LARP1: variants seen among roughly 807,000 people sequenced by gnomAD.
LARP1 encodes la-related protein 1.
Under a neutral mutation model 122.7 loss-of-function variants are expected in LARP1, and 36 were observed. The observed-to-expected ratio is 0.29, with a 90% CI of 0.22 to 0.39. The LOEUF (loss-of-function observed/expected upper bound fraction) is 0.39. Among genes scored for constraint, LARP1 ranks in the 10% least tolerant of loss-of-function variants. The pLI is 1.00. For synonymous variants in LARP1, 539 were observed against 528.7 expected (o/e 1.02, Z -0.27); for missense variants, 1,040 against 1,403.6 (o/e 0.74, Z 4.14).
chr5:154,813,619 T>C (rs1759459420), intron 18 of LARP1, among the ~76,000 whole-genome samples: 1 of 152,168 alleles, frequency 6.6e-6, no homozygotes, highest in Non-Finnish European at 1.5e-5. Context: ...GGGAAGTTAC[T>C]TTTTTGTGCT....
intron 1 of LARP1, among the ~76,000 whole-genome samples, chr5:154,766,599 T>G (rs1444246998): frequency 6.6e-6 from 1 of 152,148 alleles, no homozygotes; most frequent in Non-Finnish European, 1.5e-5. Context: ...TGCAGCTGGC[T>G]GGGTGGGAAC....
chr5:154,769,638 T>C (rs1350944901), intron 1 of LARP1, among the ~76,000 whole-genome samples: 3 of 152,194 alleles, frequency 2.0e-5, no homozygotes, highest in African/African-American at 7.2e-5. Context: ...CAGGTGAAAC[T>C]GAGTTATGTT....
Position 154,814,262 on chromosome 5 carries a change from G to A in LARP1, c.*166G>A. 3.1e-6 allele frequency: 2 copies of A among 647,796 alleles called. No individual in the cohort carries two copies. The highest frequency in any genetic ancestry group is 2.7e-6 in the Non-Finnish European group (1 of 376,086). The allele number at this position is 647,796 out of a possible 1,614,324, so 40.1% of individuals were successfully genotyped here. ...GTATACACCATTTGGGCTATCAGAG[G>A]TACCCCTGGGCAGGAGCCTCTACAT... On this transcript the variant is annotated 3_prime_UTR_variant, in exon 19 of 19. Transcript: ENST00000518297.
chr5:154,692,587 A>G (rs1030046807), intron 1 of LARP1, among the ~76,000 whole-genome samples: 2 of 152,066 alleles, frequency 1.3e-5, no homozygotes, highest in African/African-American at 4.8e-5. Context: ...ACACCCTTTA[A>G]AGCCCAAATC....
intron 1 of LARP1, among the ~76,000 whole-genome samples, 181 bp from the exon 2 acceptor site, chr5:154,790,144 G>A (rs1186583677): frequency 1.3e-5 from 2 of 152,156 alleles, no homozygotes; most frequent in Non-Finnish European, 2.9e-5. Context: ...TTCTTCAGGA[G>A]TGGGCTGGTA....
At position 154,792,637 on chromosome 5, in the gene LARP1, C is replaced by T; in HGVS notation, c.580C>T (p.Pro194Ser). The T allele has an allele frequency of 1.2e-6, 2 of 1,614,084 alleles. No individual in the cohort carries two copies. The highest frequency in any genetic ancestry group is 2.2e-5 in the East Asian group (1 of 44,888). ...HKSVQPQSHK[P>S]QPTRKLPPKK... The stretch of plus-strand genomic sequence containing the variant: ...CCTGCTATAGCCACAGTCCCACAAG[C>T]CTCAGCCTACCCGTAAACTGCCACC... Residue 194 changes from proline (P) to serine (S), a missense_variant, in exon 4 of 19, where the codon CCT becomes TCT. Pro to Ser is a moderately conservative substitution (Grantham distance 74, BLOSUM62 -1). Around this residue, in one of 8 missense-constraint regions of LARP1, gnomAD observed 257 missense variants for 273.3 expected, o/e 0.94. Coordinates refer to ENST00000518297, the MANE Select transcript of LARP1 (RefSeq NM_033551.3).
chr5:154,760,955 G>T (rs1398099634), intron 1 of LARP1, among the ~76,000 whole-genome samples: 1 of 152,152 alleles, frequency 6.6e-6, no homozygotes, highest in Non-Finnish European at 1.5e-5. Flanking sequence ...GGTGATAATG[G>T]TATTATGATT....
chr5:154,689,636 A>G (rs1754097872), intron 1 of LARP1, among the ~76,000 whole-genome samples: 2 of 149,990 alleles, frequency 1.3e-5, no homozygotes, highest in Non-Finnish European at 3.0e-5. Context: ...AAAAAAAAAA[A>G]GAAAGAAAAG....
At chr5:154,756,458 G>C (rs1254335292) in intron 1 of LARP1, 1 of 986,160 alleles carries the variant, frequency 1.0e-6, no homozygotes, top group Non-Finnish European at 1.2e-6. Context: ...GGTGTGGTTC[G>C]GGCCTACCTC....
intron 16 of LARP1, 52 bp from the exon 17 acceptor site, chr5:154,811,195 C>T: frequency 7.4e-7 from 1 of 1,352,874 alleles, no homozygotes. Flanking sequence ...GGCACATTTC[C>T]CGTTTTACAG....
intron 1 of LARP1, among the ~76,000 whole-genome samples, chr5:154,759,576 G>C (rs755429149): frequency 6.6e-6 from 1 of 152,144 alleles, no homozygotes; most frequent in Admixed American, 6.5e-5. Context: ...GGAGTTGCAC[G>C]TGTGCTCTCA....
Position 154,790,339 on chromosome 5 carries a change from G to T in LARP1, c.451G>T (p.Ala151Ser). ...GQSPPEHSAPAKVVRAAVPKQ... is the reference protein window; with the variant it reads ...GQSPPEHSAPSKVVRAAVPKQ... ...TGTTCCCACAGAACACTCTGCTCCA[G>T]CCAAGGTGGTGAGGGCAGCTGTTCC... Residue 151 changes from alanine (A) to serine (S), a missense_variant, in exon 2 of 19, where the codon GCC becomes TCC. Around this residue, in one of 8 missense-constraint regions of LARP1, gnomAD observed 257 missense variants for 273.3 expected, o/e 0.94. Coordinates refer to ENST00000518297, the MANE Select transcript of LARP1 (RefSeq NM_033551.3). The T allele has an allele frequency of 6.2e-7, 1 of 1,613,642 alleles. No individual in the cohort carries two copies. The highest frequency in any genetic ancestry group is 8.5e-7 in the Non-Finnish European group (1 of 1,179,806).
At position 154,814,032 on chromosome 5, in the gene LARP1, A is replaced by G; in HGVS notation, c.3227A>G (p.Gln1076Arg). The G allele has an allele frequency of 6.2e-7, 1 of 1,614,144 alleles. No homozygotes were observed. Among genetic ancestry groups the G allele is most frequent in the South Asian group, 1.1e-5 (1 of 91,082 alleles). ...CAACCCCCTACACCACCCACCGGCC[A>G]GCCTGTCCGGGAAGATGCCAAATGG... ...ISQPPTPPTGQPVREDAKWTS... is the reference protein window; with the variant it reads ...ISQPPTPPTGRPVREDAKWTS... Residue 1076 changes from glutamine (Q) to arginine (R), a missense_variant, in exon 19 of 19, where the codon CAG (glutamine) becomes CGG (arginine). By Grantham distance (43) the Gln-to-Arg change is conservative (BLOSUM62 1). This residue lies in a region of LARP1 where 129 missense variants were observed against 160.8 expected (regional missense o/e 0.80). Transcript: ENST00000518297.
At chr5:154,791,423 G>A (rs902494358) in intron 3 of LARP1, among the ~76,000 whole-genome samples, 2 of 152,040 alleles carry the variant, frequency 1.3e-5, no homozygotes, top group Admixed American at 1.3e-4. Context: ...TGTTGGCCAG[G>A]CTGGGCTTGA....
intron 1 of LARP1, among the ~76,000 whole-genome samples, chr5:154,721,959 GTCAC>G (rs1755899327): frequency 6.6e-6 from 1 of 152,130 alleles, no homozygotes; most frequent in Admixed American, 6.5e-5. Context: ...TGAACGTCCA[GTCAC>G]TCAGTCTACC....
intron 10 of LARP1, 76 bp from the exon 11 acceptor site, chr5:154,801,931 C>A: frequency 7.0e-7 from 1 of 1,419,552 alleles, no homozygotes; most frequent in Non-Finnish European, 9.5e-7. Flanking sequence ...TGGAGCTTCC[C>A]TCTCATGGTA....
At chr5:154,804,167 C>A in intron 13 of LARP1, 34 bp from the exon 14 acceptor site, 1 of 1,527,514 alleles carries the variant, frequency 6.5e-7, no homozygotes, top group South Asian at 1.1e-5. Context: ...TGTAGGAGTA[C>A]AAACAGTAAC....
At chr5:154,750,004 G>T (rs1251111784) in intron 1 of LARP1, among the ~76,000 whole-genome samples, 1 of 152,184 alleles carries the variant, frequency 6.6e-6, no homozygotes, top group Non-Finnish European at 1.5e-5. Flanking sequence ...TATGCTTCCT[G>T]TTTCATGGAT....
chr5:154,708,559 G>T (rs1314446142), upstream of LARP1, among the ~76,000 whole-genome samples: 1 of 152,028 alleles, frequency 6.6e-6, no homozygotes, highest in Admixed American at 6.6e-5. Flanking sequence ...GTGAGTTAAG[G>T]GCATGTACTA....
Sources: allele counts gnomAD v4.1 joint callset (sites outside exome capture counted in the v4.1 genomes callset), GRCh38; gene constraint gnomAD v4.1.1; regional missense constraint gnomAD v4.1.1; transcripts MANE v1.5; gene names NCBI Gene and HGNC (gene_info 2026-07-23, HGNC 2026-07-21).